Variants in ELMO1 observed in about 807,000 individuals in gnomAD.
ELMO1 encodes engulfment and cell motility 1.
A neutral mutation model predicts 98.9 loss-of-function variants in ELMO1; 26 were observed. That is an observed-to-expected ratio of 0.26 (90% confidence interval 0.19 to 0.36). The LOEUF is 0.36. Ranked by LOEUF, ELMO1 falls within the 10% of genes least tolerant of loss-of-function variation. The pLI is 1.00. For missense variants in ELMO1, 627 were observed against 935.2 expected, an observed-to-expected ratio of 0.67 and a Z score of 4.30; for synonymous variants, 346 against 346.0, an observed-to-expected ratio of 1.00 and a Z score of 0.00.
At chr7:37,245,906 G>A (rs980292605) in intron 6 of ELMO1, among the ~76,000 whole-genome samples, 1 of 152,194 alleles carries the variant, frequency 6.6e-6, no homozygotes. Context: ...AATAATAATA[G>A]TGATAGATTA....
chr7:37,123,497 T>G (rs983091578), intron 14 of ELMO1, among the ~76,000 whole-genome samples: 1 of 152,196 alleles, frequency 6.6e-6, no homozygotes, highest in Non-Finnish European at 1.5e-5. Context: ...CATCGGAGAA[T>G]ACTATAAACA....
chr7:36,918,780 G>C (rs1249784851), intron 16 of ELMO1, among the ~76,000 whole-genome samples: 2 of 152,212 alleles, frequency 1.3e-5, no homozygotes, highest in African/African-American at 4.8e-5. Flanking sequence ...TATATGATTA[G>C]TGTATACAGT....
intron 1 of ELMO1, among the ~76,000 whole-genome samples, chr7:37,394,426 C>T (rs1451307226): frequency 6.6e-6 from 1 of 152,070 alleles, no homozygotes; most frequent in African/African-American, 2.4e-5. Flanking sequence ...TCAGCAAGAG[C>T]CTACACCTGG....
At chr7:36,897,336 G>GTGTGTGTATGTGTGTGTGTGTA in intron 16 of ELMO1, among the ~76,000 whole-genome samples, 1 of 148,328 alleles carries the variant, frequency 6.7e-6, no homozygotes, top group African/African-American at 2.5e-5. Context: ...GTGTGTGTGT[G>GTGTGTGTATGTGTGTGTGTGTA]TGTGTGTGTG....
At chr7:37,068,518 T>C (rs745334415) in intron 15 of ELMO1, among the ~76,000 whole-genome samples, 19 of 152,178 alleles carry the variant, frequency 1.2e-4, no homozygotes, top group Admixed American at 7.9e-4. Flanking sequence ...CCCACTCTGT[T>C]AAGGCAGATG....
intron 1 of ELMO1, among the ~76,000 whole-genome samples, chr7:37,409,919 C>A (rs1803925182): frequency 1.3e-5 from 2 of 152,178 alleles, no homozygotes; most frequent in African/African-American, 4.8e-5. Context: ...TTGGACAATA[C>A]AATCTACCAC....
chr7:36,884,670 G>C (rs1804782213), intron 18 of ELMO1, among the ~76,000 whole-genome samples: 1 of 152,232 alleles, frequency 6.6e-6, no homozygotes, highest in African/African-American at 2.4e-5. Context: ...TCCAGTAGCA[G>C]AGCTGCACAT....
At chr7:37,219,322 A>G (rs768204965) in intron 10 of ELMO1, among the ~76,000 whole-genome samples, 3 of 152,202 alleles carry the variant, frequency 2.0e-5, no homozygotes, top group Non-Finnish European at 4.4e-5. Context: ...GAAATAAGGT[A>G]TAAGTGTTTA....
rs927658616 is a variant in ELMO1 at position 37,124,891 on chromosome 7, T to C, written c.1191+8239A>G. Among the ~76,000 whole-genome samples, 351 of 152,122 alleles carry C rather than the reference T, an allele frequency of 2.3e-3. 3 individuals are homozygous for C. Among genetic ancestry groups the C allele is most frequent in the African/African-American group, 7.8e-3 (324 of 41,524 alleles). The stretch of plus-strand genomic sequence containing the variant: ...CACTACCTGACTTCAAACTATACTA[T>C]AAGGCTACAGTAACCAAAACAGCAT... On this transcript the variant is annotated intron_variant, in intron 14 of 21. Coordinates refer to ENST00000310758, the MANE Select transcript of ELMO1 (RefSeq NM_014800.11).
At chr7:36,996,665 CAA>C (rs1792237136) in intron 16 of ELMO1, among the ~76,000 whole-genome samples, 1 of 152,172 alleles carries the variant, frequency 6.6e-6, no homozygotes, top group Non-Finnish European at 1.5e-5. Context: ...TTAAGTGCTA[CAA>C]GAGAGGGGAA....
chr7:36,873,440 G>A (rs1419859562), intron 19 of ELMO1, among the ~76,000 whole-genome samples: 4 of 152,154 alleles, frequency 2.6e-5, no homozygotes, highest in African/African-American at 4.8e-5. Context: ...AGTGAAGAAC[G>A]CACCCTCCCA....
At chr7:37,013,697 A>T in intron 15 of ELMO1, 1 of 385,326 alleles carries the variant, frequency 2.6e-6, no homozygotes, top group Non-Finnish European at 4.8e-6. Flanking sequence ...CCAGGACAAG[A>T]CCCTCTTGGC....
In ELMO1 at chr7:37,065,674, C is replaced by T. The variant is rs557400535; in HGVS notation, c.1300+30945G>A. On this transcript the variant is annotated intron_variant, in intron 15 of 21. Coordinates refer to ENST00000310758, the MANE Select transcript of ELMO1 (RefSeq NM_014800.11). The stretch of plus-strand genomic sequence containing the variant: ...TACCAACCCACATGGAAAAAAGTGC[C>T]AGTTTATTTTCTCTGCATAGGTTTT... 2.7e-4 allele frequency among the ~76,000 whole-genome samples: 41 copies of T among 152,276 alleles called. 1 individual carries two copies. The highest frequency in any genetic ancestry group is 2.6e-3 in the Admixed American group (40 of 15,290).
chr7:37,101,706 T>TCC lies in ELMO1; in HGVS notation c.1192-4981_1192-4980dup, dbSNP rs143911469. Among the ~76,000 whole-genome samples, 1,301 of 151,950 alleles carry TCC rather than the reference T, an allele frequency of 8.6e-3. 23 individuals are homozygous for TCC. The highest frequency in any genetic ancestry group is 0.03 in the African/African-American group (1,238 of 41,396). ...CTCAGTATCTTATCAGCAGGTGCAT[T>TCC]CCTGGATGTGCTTGGAGTCAGCTTG... On this transcript the variant is annotated intron_variant, in intron 14 of 21. Coordinates refer to ENST00000310758, the MANE Select transcript of ELMO1 (RefSeq NM_014800.11).
At chr7:36,899,963 C>A (rs779264396) in intron 16 of ELMO1, among the ~76,000 whole-genome samples, 4 of 152,058 alleles carry the variant, frequency 2.6e-5, no homozygotes, top group Non-Finnish European at 5.9e-5. Context: ...CTGTTACAAT[C>A]CCAGAAGGAA....
chr7:37,043,212 T>C (rs140836094), intron 15 of ELMO1, among the ~76,000 whole-genome samples: 133 of 152,324 alleles, frequency 8.7e-4, no homozygotes, highest in Non-Finnish European at 1.7e-3. Context: ...GAGTGGGCAA[T>C]AGAACTGTCT....
chr7:37,105,035 T>C (rs1784868347), intron 14 of ELMO1, among the ~76,000 whole-genome samples: 1 of 152,154 alleles, frequency 6.6e-6, no homozygotes, highest in Admixed American at 6.5e-5. Context: ...GACTGGGTAA[T>C]GGTATAGTAA....
At chr7:37,101,161 ACC>A (rs1784619382) in intron 14 of ELMO1, among the ~76,000 whole-genome samples, 1 of 152,182 alleles carries the variant, frequency 6.6e-6, no homozygotes, top group African/African-American at 2.4e-5. Flanking sequence ...ATGAAAGTAA[ACC>A]AGAGGCCTTC....
At chr7:37,283,068 T>C (rs1420442871) in intron 4 of ELMO1, among the ~76,000 whole-genome samples, 2 of 152,164 alleles carry the variant, frequency 1.3e-5, no homozygotes, top group Admixed American at 1.3e-4. Flanking sequence ...TCTGTATCTG[T>C]AATAAGATCT....
Sources: allele counts gnomAD v4.1 joint callset (sites outside exome capture counted in the v4.1 genomes callset), GRCh38; gene constraint gnomAD v4.1.1; transcripts MANE v1.5; gene names NCBI Gene and HGNC (gene_info 2026-07-23, HGNC 2026-07-21).